Variants in GLI2 observed in about 807,000 individuals in gnomAD.
The protein encoded by GLI2 is transcription activator GLI2.
In GLI2, 22 loss-of-function variants were observed where a neutral mutation model predicts 78.9. That is an observed-to-expected ratio of 0.28 (90% CI 0.20 to 0.40). GLI2 has a LOEUF of 0.40. GLI2 is among the 10% of genes least tolerant of loss of function. The pLI is 1.00. For synonymous variants in GLI2, 974 were observed against 963.7 expected (o/e 1.01, Z -0.20); for missense variants, 2,097 against 2,213.2 (o/e 0.95, Z 1.05).
intron 1 of GLI2, among the ~76,000 whole-genome samples, chr2:120,762,244 T>C (rs1320400797): frequency 6.6e-6 from 1 of 152,154 alleles, no homozygotes; most frequent in Non-Finnish European, 1.5e-5. Context: ...AGGCTGGCCT[T>C]TGCAAGGGGT....
At chr2:120,763,634 T>G (rs1683280762) in intron 1 of GLI2, among the ~76,000 whole-genome samples, 2 of 152,138 alleles carry the variant, frequency 1.3e-5, no homozygotes, top group Admixed American at 1.3e-4. Context: ...ACTCACCCAC[T>G]CCCCTGCAGA....
intron 3 of GLI2, among the ~76,000 whole-genome samples, chr2:120,934,875 A>G (rs1323497307): frequency 6.6e-6 from 1 of 152,132 alleles, no homozygotes. Context: ...TTCCAAGGTC[A>G]GTGTCCCATA....
rs1271617053 is a variant in GLI2, at chr2:120,988,566, G to A, written c.2601G>A (p.Ala867=). 3 of 1,498,054 alleles carry A rather than the reference G, an allele frequency of 2.0e-6. No homozygotes were observed. Among genetic ancestry groups the A allele is most frequent in the East Asian group, 2.8e-5 (1 of 36,058 alleles). The allele number at this position is 1,498,054 out of a possible 1,614,324, so 92.8% of individuals were successfully genotyped here. A position where few individuals can be genotyped will look rare whatever the true frequency, so the allele number is the denominator to read the frequency against. The change falls in exon 14 of 14, where the codon GCG becomes GCA. Residue 867 remains alanine, a synonymous_variant. Transcript: ENST00000361492. ...GGSGLLNLTP[A]QQYSLRAKYA... ...CCGGGCTGCTCAACCTCACGCCGGC[G>A]CAGCAGTACAGCCTGCGGGCCAAGT...
chr2:120,982,957 C>A, intron 11 of GLI2, 77 bp downstream of exon 11: 1 of 1,433,216 alleles, frequency 7.0e-7, no homozygotes, highest in Non-Finnish European at 9.7e-7. Context: ...CATCTGTAGT[C>A]CAGTAGATAG....
intron 1 of GLI2, among the ~76,000 whole-genome samples, chr2:120,779,872 G>A (rs1251481903): frequency 1.3e-5 from 2 of 152,232 alleles, no homozygotes; most frequent in Non-Finnish European, 2.9e-5. Flanking sequence ...GCCCGGGAGA[G>A]TGCAGGTCTG....
intron 5 of GLI2, among the ~76,000 whole-genome samples, chr2:120,956,963 C>T (rs1225946858): frequency 6.6e-6 from 1 of 152,188 alleles, no homozygotes; most frequent in East Asian, 1.9e-4. Context: ...AAGCCTCCTC[C>T]TTCCCTTTCC....
chr2:120,887,987 C>T (rs745982437), intron 2 of GLI2, among the ~76,000 whole-genome samples: 21 of 152,210 alleles, frequency 1.4e-4, no homozygotes, highest in Non-Finnish European at 2.4e-4. Flanking sequence ...AGGACCTGGC[C>T]GACAGGCTCT....
chr2:120,828,323 C>T (rs1417243198), intron 2 of GLI2, among the ~76,000 whole-genome samples: 2 of 152,234 alleles, frequency 1.3e-5, no homozygotes, highest in Non-Finnish European at 2.9e-5. Context: ...AGCCTCTTGT[C>T]TGAGCCCCTG....
chr2:120,885,610 G>T (rs1342909173), intron 2 of GLI2, among the ~76,000 whole-genome samples: 1 of 152,234 alleles, frequency 6.6e-6, no homozygotes, highest in Non-Finnish European at 1.5e-5. Flanking sequence ...GCAGCGTCCA[G>T]TGCCCACTCG....
rs763688196 is a variant in GLI2, at chr2:120,968,734, C to T, written c.664C>T (p.Arg222Trp). Reference protein sequence around the residue: ...PVDVSRFSSPRVTPRLSRKRA... With the variant: ...PVDVSRFSSPWVTPRLSRKRA... ...CACAGTGTCCCGTTTCTCCAGCCCG[C>T]GGGTGACGCCCCGCCTGAGCCGCAA... The change falls in exon 6 of 14, where the codon CGG (arginine) becomes TGG (tryptophan). Residue 222 changes from arginine (R) to tryptophan (W), a missense_variant. Coordinates refer to ENST00000361492, the MANE Select transcript of GLI2 (RefSeq NM_001374353.1). The T allele has an allele frequency of 4.3e-6, 7 of 1,613,328 alleles. No homozygotes were observed. Among genetic ancestry groups the T allele is most frequent in the South Asian group, 1.1e-5 (1 of 91,078 alleles).
chr2:120,951,599 A>T, intron 4 of GLI2, 154 bp downstream of exon 4: 1 of 587,944 alleles, frequency 1.7e-6, no homozygotes, highest in Non-Finnish European at 3.1e-6. Flanking sequence ...TCCAAACAAC[A>T]AGTTTTTGGG....
chr2:120,930,177 A>T (rs1041993278), intron 3 of GLI2, among the ~76,000 whole-genome samples: 5 of 152,106 alleles, frequency 3.3e-5, no homozygotes, highest in African/African-American at 1.2e-4. Flanking sequence ...ACCTCTCCCT[A>T]TACACCTGAA....
chr2:120,930,006 A>G (rs1043106613), intron 3 of GLI2, among the ~76,000 whole-genome samples: 1 of 152,144 alleles, frequency 6.6e-6, no homozygotes, highest in South Asian at 2.1e-4. Context: ...CTCATGAGTC[A>G]TGTTTGGCTG....
chr2:120,881,639 A>G (rs1227281071), intron 2 of GLI2, among the ~76,000 whole-genome samples: 1 of 46,456 alleles, frequency 2.2e-5, no homozygotes, highest in Non-Finnish European at 3.9e-5. Flanking sequence ...AGGACAGTGC[A>G]AGGAGGGCAG....
rs568404453 is a variant in GLI2 at position 120,763,175 on chromosome 2, T to C, written c.-31+26890T>C. ...TGCCCCCACCACAGGCCCTTTCTTG[T>C]GCCTCCCTCTCCTCTGGGTCTGACT... On this transcript the variant is annotated intron_variant, in intron 1 of 13. Transcript: ENST00000361492. Among the ~76,000 whole-genome samples, 12 of 152,320 alleles carry C rather than the reference T, an allele frequency of 7.9e-5. No individual in the cohort carries two copies. In the East Asian group the frequency reaches 2.3e-3, roughly 29 times the overall value.
At chr2:120,970,777 A>G (rs547895708) in intron 7 of GLI2, among the ~76,000 whole-genome samples, 171 bp downstream of exon 7, 1 of 152,236 alleles carries the variant, frequency 6.6e-6, no homozygotes, top group Non-Finnish European at 1.5e-5. Context: ...ACCTGGGCTC[A>G]GTCCATGGGA....
At chr2:120,810,859 C>A (rs1043540431) in intron 2 of GLI2, among the ~76,000 whole-genome samples, 1 of 152,190 alleles carries the variant, frequency 6.6e-6, no homozygotes, top group African/African-American at 2.4e-5. Flanking sequence ...TCCGTGATCT[C>A]GATTGGCTTT....
Position 120,984,659 on chromosome 2 carries a change from C to T in GLI2, c.1821C>T (p.Gly607=). 1 of 1,613,984 alleles carries T rather than the reference C, an allele frequency of 6.2e-7. No individual in the cohort carries two copies. Among genetic ancestry groups the T allele is most frequent in the Non-Finnish European group, 8.5e-7 (1 of 1,180,010 alleles). Residue 607 remains glycine (G), a synonymous_variant, in exon 12 of 14, where the codon GGC becomes GGT. Transcript: ENST00000361492. Reference sequence around the variant, plus strand: ...GTGAGGCCGGCACGGAGCCTGGCGGCCCAGAGAGCACCGAGGCCAGCAGCA... The same window carrying T: ...GTGAGGCCGGCACGGAGCCTGGCGGTCCAGAGAGCACCGAGGCCAGCAGCA... ...GDSEAGTEPG[G]PESTEASSTS...
At chr2:120,757,928 G>T (rs956246338) in intron 1 of GLI2, among the ~76,000 whole-genome samples, 2 of 152,214 alleles carry the variant, frequency 1.3e-5, no homozygotes, top group Non-Finnish European at 2.9e-5. Flanking sequence ...ATGGTTTTGG[G>T]AGGGAGGTTA....
Sources: gnomAD v4.1 joint callset for allele counts (sites outside exome capture counted in the v4.1 genomes callset) on GRCh38, gnomAD v4.1.1 for gene constraint, MANE v1.5 for transcripts, NCBI Gene and HGNC (gene_info 2026-07-23, HGNC 2026-07-21) for gene names.